SLC2A8: variants seen among roughly 807,000 people sequenced by gnomAD.
SLC2A8 encodes solute carrier family 2 member 8.
Under a neutral mutation model 49.2 loss-of-function variants are expected in SLC2A8, and 53 were observed. The ratio of observed to expected loss-of-function variants is 1.08; its 90% CI spans 0.86 to 1.35. The LOEUF is 1.35. Among genes scored for constraint, SLC2A8 ranks in the 40% most tolerant of loss-of-function variants. The pLI is 0.00. For missense variants in SLC2A8, 688 were observed against 671.7 expected (o/e 1.02, Z -0.27); for synonymous variants, 299 against 297.0 (o/e 1.01, Z -0.07).
intron 7 of SLC2A8, 93 bp from the exon 8 acceptor site, chr9:127,404,725 C>A: frequency 2.2e-6 from 3 of 1,389,820 alleles, no homozygotes; most frequent in Non-Finnish European, 2.9e-6. Context: ...CTCTGGGAGC[C>A]GGGCCTGCCC....
rs773733899 is a variant in SLC2A8, at chr9:127,403,943, G to A, written c.868-16G>A. On this transcript the variant is annotated splice_polypyrimidine_tract_variant and intron_variant, in intron 6 of 9. Transcript: ENST00000373371. ...CAGCTGGCCCACCTGACCTGCCTGGGCTCTGTCTCCCCCAGGACAGCAGCC... is the reference window on the plus strand; with the variant it reads ...CAGCTGGCCCACCTGACCTGCCTGGACTCTGTCTCCCCCAGGACAGCAGCC... 2 of 1,610,266 alleles carry A rather than the reference G, an allele frequency of 1.2e-6. No homozygotes were observed. Among genetic ancestry groups the A allele is most frequent in the Non-Finnish European group, 8.5e-7 (1 of 1,178,008 alleles).
intron 4 of SLC2A8, among the ~76,000 whole-genome samples, chr9:127,400,364 A>G (rs1833237097): frequency 6.6e-6 from 1 of 151,922 alleles, no homozygotes; most frequent in South Asian, 2.1e-4. Flanking sequence ...TCACCGTGTT[A>G]GCCAGGATGG....
chr9:127,403,758 C>T lies in SLC2A8; in HGVS notation c.822C>T (p.Ala274=), dbSNP rs201517284. 1.0e-4 allele frequency: 164 copies of T among 1,613,218 alleles called. 1 individual carries two copies. The highest frequency in any genetic ancestry group is 8.2e-4 in the Middle Eastern group (5 of 6,062). ...MAFQQLSGVN[A]VMFYAETIFE... ...TCCAGCAGCTGTCGGGGGTCAACGC[C>T]GTCATGTTCTATGCAGAGACCATCT... The change falls in exon 6 of 10, where the codon GCC becomes GCT. Residue 274 remains alanine (A), a synonymous_variant. Transcript: ENST00000373371.
Position 127,403,790 on chromosome 9 carries a change from A to C in SLC2A8, c.854A>C (p.Glu285Ala). The C allele has an allele frequency of 6.2e-7, 1 of 1,612,864 alleles. No individual in the cohort carries two copies. The highest frequency in any genetic ancestry group is 1.1e-5 in the South Asian group (1 of 91,074). Residue 285 changes from glutamate (E) to alanine (A), a missense_variant, in exon 6 of 10, where the codon GAG (glutamate) becomes GCG (alanine). Transcript: ENST00000373371. ...VMFYAETIFE[E>A]AKFKDSSLAS... ...TTCTATGCAGAGACCATCTTTGAAG[A>C]GGCCAAGTTCAAGGTAAAAGGGCCC...
intron 3 of SLC2A8, chr9:127,398,376 G>A (rs1274789248): frequency 1.3e-5 from 10 of 762,344 alleles, no homozygotes; most frequent in Non-Finnish European, 2.0e-5. Context: ...CTAGTCAGAG[G>A]GGAAGCAGTT....
At position 127,403,981 on chromosome 9, in the gene SLC2A8, T is replaced by C; in HGVS notation, c.890T>C (p.Val297Ala). 6.2e-7 allele frequency: 1 copy of C among 1,610,776 alleles called. No individual in the cohort carries two copies. Among genetic ancestry groups the C allele is most frequent in the South Asian group, 1.1e-5 (1 of 91,004 alleles). The change falls in exon 7 of 10, where the codon GTC (valine) becomes GCC (alanine). Residue 297 changes from valine (V) to alanine (A), a missense_variant. By Grantham distance (64) the Val-to-Ala change is moderately conservative (BLOSUM62 0). Coordinates refer to ENST00000373371, the MANE Select transcript of SLC2A8 (RefSeq NM_014580.5). ...CAGGACAGCAGCCTGGCCTCGGTCG[T>C]CGTGGGTGTCATCCAGGTGCTGTTC... ...KFKDSSLASV[V>A]VGVIQVLFTA...
At chr9:127,405,034 T>TC (rs759005011) in intron 8 of SLC2A8, 43 bp downstream of exon 8, 18 of 1,570,136 alleles carry the variant, frequency 1.1e-5, no homozygotes, top group East Asian at 2.3e-5. Context: ...TGGGAGGTGA[T>TC]CCCCCCGGCC....
chr9:127,402,829 C>G (rs1833343938), intron 5 of SLC2A8, 76 bp downstream of exon 5: 1 of 1,428,522 alleles, frequency 7.0e-7, no homozygotes, highest in Admixed American at 2.6e-5. Context: ...TTCCCAAGGC[C>G]ACACACTTGG....
Position 127,403,662 on chromosome 9 carries a change from C to T in SLC2A8, c.726C>T (p.Ser242=), listed in dbSNP as rs759737357. ...WEDPPIGAEQ[S]FHLALLRQPG... ...ATGGCCAGTATCCGTCAGAGCAGAGCTTTCACCTGGCCCTGCTGCGGCAGC... is the reference window on the plus strand; with the variant it reads ...ATGGCCAGTATCCGTCAGAGCAGAGTTTTCACCTGGCCCTGCTGCGGCAGC... The change falls in exon 6 of 10, where the codon AGC becomes AGT. Residue 242 remains serine (S), a splice_region_variant and synonymous_variant. Transcript: ENST00000373371. 6.2e-6 allele frequency: 10 copies of T among 1,612,828 alleles called. No homozygotes were observed. Among genetic ancestry groups the T allele is most frequent in the Non-Finnish European group, 8.5e-6 (10 of 1,179,968 alleles).
intron 4 of SLC2A8, chr9:127,402,337 C>T (rs112597117): frequency 3.6e-5 from 21 of 577,478 alleles, no homozygotes; most frequent in Admixed American, 2.6e-4. Flanking sequence ...TAGTAATGTC[C>T]GCGTTGTCAT....
chr9:127,398,333 A>G (rs751018161), intron 3 of SLC2A8: 2 of 779,220 alleles, frequency 2.6e-6, no homozygotes, highest in Non-Finnish European at 4.8e-6. Context: ...AGTCTCGGAA[A>G]GGTGAAGTCC....
chr9:127,402,602 C>A lies in SLC2A8; in HGVS notation c.572C>A (p.Pro191His), dbSNP rs1268492068. ...WRWLAVLGCV[P>H]PSLMLLLMCF... Reference sequence around the variant, plus strand: ...TGGCTGGCTGTGCTGGGCTGCGTGCCCCCCTCCCTCATGCTGCTTCTCATG... The same window carrying A: ...TGGCTGGCTGTGCTGGGCTGCGTGCACCCCTCCCTCATGCTGCTTCTCATG... Residue 191 changes from proline (P) to histidine (H), a missense_variant, in exon 5 of 10, where the codon CCC becomes CAC. Physicochemically the swap from Pro to His is moderately conservative, Grantham distance 77. Transcript: ENST00000373371. The A allele has an allele frequency of 1.3e-6, 2 of 1,594,210 alleles. No individual in the cohort carries two copies. Among genetic ancestry groups the A allele is most frequent in the Admixed American group, 3.5e-5 (2 of 57,922 alleles).
intron 7 of SLC2A8, 25 bp downstream of exon 7, chr9:127,404,092 TC>T: frequency 1.3e-6 from 2 of 1,491,786 alleles, no homozygotes; most frequent in Non-Finnish European, 9.0e-7. Context: ...CTGTGCAGCC[TC>T]CCCGCCATGC....
intron 7 of SLC2A8, 50 bp downstream of exon 7, chr9:127,404,117 C>A: frequency 7.6e-7 from 1 of 1,316,442 alleles, no homozygotes; most frequent in Non-Finnish European, 1.1e-6. Context: ...GGAGGGCCTT[C>A]GCCAAGGCCA....
intron 2 of SLC2A8, 34 bp from the exon 3 acceptor site, chr9:127,397,871 C>T (rs1182942300): frequency 2.8e-5 from 41 of 1,443,898 alleles, no homozygotes; most frequent in Non-Finnish European, 3.4e-5. Context: ...GCTGCGGCTT[C>T]GGCGCCCCCT....
Position 127,400,450 on chromosome 9 carries a change from G to A in SLC2A8, c.526+444G>A, listed in dbSNP as rs181278809. 2.4e-3 allele frequency among the ~76,000 whole-genome samples: 369 copies of A among 152,140 alleles called. 1 individual carries two copies. The highest frequency in any genetic ancestry group is 4.4e-3 in the Non-Finnish European group (297 of 68,000). On this transcript the variant is annotated intron_variant, in intron 4 of 9. Coordinates refer to ENST00000373371, the MANE Select transcript of SLC2A8 (RefSeq NM_014580.5). ...TGGGATTACAGGTGTGAGCCACCGC[G>A]CCCGGCCGATAGGTGTGTCTTATGA... is the stretch of plus-strand genomic sequence containing the variant.
intron 9 of SLC2A8, 118 bp from the exon 10 acceptor site, chr9:127,406,994 G>T: frequency 8.8e-7 from 1 of 1,139,010 alleles, no homozygotes; most frequent in Non-Finnish European, 1.3e-6. Flanking sequence ...GTGTGGCCTT[G>T]GGCAGGGCAG....
rs887195293 is a variant in SLC2A8, at chr9:127,399,760, T to C, written c.427-147T>C. ...CTAGGCCCAGCTAATTTTGTATTTTTAGTAGAGATGGGGTTTCTCCCTGTT... is the reference window on the plus strand; with the variant it reads ...CTAGGCCCAGCTAATTTTGTATTTTCAGTAGAGATGGGGTTTCTCCCTGTT... On this transcript the variant is annotated intron_variant, in intron 3 of 9. Coordinates refer to ENST00000373371, the MANE Select transcript of SLC2A8 (RefSeq NM_014580.5). The surrounding 1 kb of genome is among the most constrained non-coding windows in gnomAD (Gnocchi z 4.2). 3.5e-6 allele frequency: 2 copies of C among 573,450 alleles called. No homozygotes were observed. The highest frequency in any genetic ancestry group is 3.0e-5 in the Admixed American group (1 of 33,062). The allele number at this position is 573,450 out of a possible 1,614,324, so 35.5% of individuals were successfully genotyped here. A position where few individuals can be genotyped will look rare whatever the true frequency, so the allele number is the denominator to read the frequency against.
At position 127,399,106 on chromosome 9, in the gene SLC2A8, C is replaced by T. The variant is rs375242739; in HGVS notation, c.427-801C>T. Among the ~76,000 whole-genome samples the T allele has an allele frequency of 6.1e-4, 93 of 152,266 alleles. No individual in the cohort carries two copies. The highest frequency in any genetic ancestry group is 2.2e-3 in the African/African-American group (92 of 41,548). ...GGGTGAGGGCCTGGTGGCCTGTGGG[C>T]CCAGGAGGGAGCTAGTGGCAGCCAC... On this transcript the variant is annotated intron_variant, in intron 3 of 9. Transcript: ENST00000373371. The surrounding 1 kb of genome is among the most constrained non-coding windows in gnomAD (Gnocchi z 4.2).
Sources: allele counts gnomAD v4.1 joint callset (sites outside exome capture counted in the v4.1 genomes callset), GRCh38; gene constraint gnomAD v4.1.1; non-coding constraint Gnocchi (gnomAD v3.1); transcripts MANE v1.5; gene names NCBI Gene and HGNC (gene_info 2026-07-23, HGNC 2026-07-21).